DOCK4: variants seen among roughly 807,000 people sequenced by gnomAD.
DOCK4 encodes the protein dedicator of cytokinesis 4.
Under a neutral mutation model 268.1 loss-of-function variants are expected in DOCK4, and 97 were observed. The ratio of observed to expected loss-of-function variants is 0.36; its 90% CI spans 0.31 to 0.43. DOCK4 has a LOEUF of 0.43. DOCK4 is among the 20% of genes least tolerant of loss of function. The probability of loss-of-function intolerance (pLI) is 1.00; values close to 1 mark genes in which losing one functional copy is unlikely to be tolerated. For missense variants in DOCK4, 2,145 were observed against 2,455.7 expected, an observed-to-expected ratio of 0.87 and a Z score of 2.67; for synonymous variants, 954 against 887.2, an observed-to-expected ratio of 1.08 and a Z score of -1.34.
At chr7:111,843,999 G>A (rs1803894062) in intron 25 of DOCK4, among the ~76,000 whole-genome samples, 1 of 152,148 alleles carries the variant, frequency 6.6e-6, no homozygotes, top group African/African-American at 2.4e-5. Context: ...TCCAGGCTAG[G>A]CATGGTGGTT....
chr7:112,166,268 C>A (rs1344773367), intron 1 of DOCK4, among the ~76,000 whole-genome samples: 1 of 151,612 alleles, frequency 6.6e-6, no homozygotes, highest in Non-Finnish European at 1.5e-5. Flanking sequence ...CTTTTTTTAC[C>A]AAAAGAAAAA....
intron 1 of DOCK4, among the ~76,000 whole-genome samples, chr7:112,020,340 C>T (rs1461777417): frequency 2.6e-5 from 4 of 152,096 alleles, no homozygotes; most frequent in Admixed American, 6.5e-5. Context: ...ATCCTGAACC[C>T]CCCAGGTAAA....
intron 44 of DOCK4, among the ~76,000 whole-genome samples, chr7:111,743,074 C>T (rs1047367383): frequency 6.6e-6 from 1 of 151,990 alleles, no homozygotes; most frequent in Non-Finnish European, 1.5e-5. Flanking sequence ...GAGAGCAGGT[C>T]CTACTTAAAA....
intron 1 of DOCK4, among the ~76,000 whole-genome samples, chr7:112,036,351 C>T (rs1316019267): frequency 1.3e-5 from 2 of 151,936 alleles, no homozygotes; most frequent in Non-Finnish European, 2.9e-5. Flanking sequence ...AAATATAGAA[C>T]TAAGACTAAA....
intron 35 of DOCK4, among the ~76,000 whole-genome samples, chr7:111,782,299 C>G (rs989326427): frequency 6.6e-6 from 1 of 152,124 alleles, no homozygotes; most frequent in African/African-American, 2.4e-5. Flanking sequence ...CAAAAATGTC[C>G]TGCTTGGTCA....
At chr7:112,086,116 G>GA (rs2135737559) in intron 1 of DOCK4, among the ~76,000 whole-genome samples, 1 of 152,116 alleles carries the variant, frequency 6.6e-6, no homozygotes, top group South Asian at 2.1e-4. Flanking sequence ...TGTACTACAG[G>GA]AAAAAGAAAG....
intron 1 of DOCK4, among the ~76,000 whole-genome samples, chr7:112,125,082 C>A (rs545544075): frequency 6.6e-6 from 1 of 152,268 alleles, no homozygotes; most frequent in African/African-American, 2.4e-5. Flanking sequence ...AGCCTAAAAT[C>A]CCACAGCTTC....
At chr7:112,091,091 C>G (rs1471388923) in intron 1 of DOCK4, among the ~76,000 whole-genome samples, 1 of 152,094 alleles carries the variant, frequency 6.6e-6, no homozygotes, top group East Asian at 1.9e-4. Flanking sequence ...AAAGGAAGGT[C>G]TCTCATCTTT....
chr7:111,817,942 C>A lies in DOCK4; in HGVS notation c.2930+4420G>T, dbSNP rs574801833. 3.9e-4 allele frequency among the ~76,000 whole-genome samples: 60 copies of A among 152,266 alleles called. No individual in the cohort carries two copies. The South Asian group carries it at 0.012, about 31-fold the overall frequency. On this transcript the variant is annotated intron_variant, in intron 27 of 52. Coordinates refer to ENST00000428084, the MANE Select transcript of DOCK4 (RefSeq NM_001363540.2). ...ACTGAAACAACACTTGTCATGGTCACCAATATCTACCACACTGCCAAATCC... is the reference window on the plus strand; with the variant it reads ...ACTGAAACAACACTTGTCATGGTCAACAATATCTACCACACTGCCAAATCC...
chr7:112,013,647 A>G (rs766943593), intron 1 of DOCK4, among the ~76,000 whole-genome samples: 15 of 152,184 alleles, frequency 9.9e-5, no homozygotes, highest in Non-Finnish European at 1.9e-4. Context: ...AAACAACGCA[A>G]GCATCCTCCT....
In DOCK4 at chr7:111,783,968, C is replaced by G. The variant is rs370637183; in HGVS notation, c.3429-16G>C. On this transcript the variant is annotated splice_polypyrimidine_tract_variant and intron_variant, in intron 33 of 52. Coordinates refer to ENST00000428084, the MANE Select transcript of DOCK4 (RefSeq NM_001363540.2). ...CTTTAGTAGACTGGAAAAGAAAGAA[C>G]CCGGGGCATTTTCAACATTTATTTT... 6.3e-7 allele frequency: 1 copy of G among 1,586,672 alleles called. No homozygotes were observed. The highest frequency in any genetic ancestry group is 8.6e-7 in the Non-Finnish European group (1 of 1,165,470).
At chr7:111,789,693 A>G (rs1484791243) in intron 31 of DOCK4, among the ~76,000 whole-genome samples, 1 of 152,220 alleles carries the variant, frequency 6.6e-6, no homozygotes, top group Non-Finnish European at 1.5e-5. Context: ...GGAGGGTTCC[A>G]TGTCTGCAGT....
chr7:111,808,875 C>T lies in DOCK4; in HGVS notation c.3112G>A (p.Gly1038Ser). Residue 1038 changes from glycine (G) to serine (S), a missense_variant, in exon 30 of 53, where the codon GGT becomes AGT. Transcript: ENST00000428084. ...SKKKKVLEKY[G>S]DMRVTMGCEI... ...CAACCCATTGTTACCCGCATGTCAC[C>T]ATACCTGAAATAGAACAAAAAACCA... The T allele has an allele frequency of 6.2e-7, 1 of 1,612,940 alleles. No homozygotes were observed. Among genetic ancestry groups the T allele is most frequent in the African/African-American group, 1.3e-5 (1 of 75,044 alleles).
chr7:111,988,989 G>A (rs145491958), intron 6 of DOCK4, 26 bp downstream of exon 6: 3 of 1,590,142 alleles, frequency 1.9e-6, no homozygotes, highest in East Asian at 2.3e-5. Context: ...CCTACTAGAG[G>A]CCGCCCTGTG....
chr7:111,940,684 T>G (rs1384927505), intron 10 of DOCK4, among the ~76,000 whole-genome samples: 1 of 152,234 alleles, frequency 6.6e-6, no homozygotes, highest in African/African-American at 2.4e-5. Context: ...GTACAGCAAG[T>G]AAGCACAGGT....
chr7:111,938,688 A>G (rs1794937700), intron 11 of DOCK4, among the ~76,000 whole-genome samples: 1 of 152,214 alleles, frequency 6.6e-6, no homozygotes, highest in African/African-American at 2.4e-5. Flanking sequence ...AACAAAGGTA[A>G]CGTTGAAGTC....
chr7:111,805,597 T>C (rs1438448976), intron 30 of DOCK4, among the ~76,000 whole-genome samples: 2 of 152,218 alleles, frequency 1.3e-5, no homozygotes, highest in African/African-American at 4.8e-5. Flanking sequence ...AATGATCAGA[T>C]TTTAAAATCC....
chr7:111,957,186 G>A (rs1459461365), intron 8 of DOCK4, among the ~76,000 whole-genome samples: 2 of 152,082 alleles, frequency 1.3e-5, no homozygotes, highest in Non-Finnish European at 2.9e-5. Context: ...AAAAAGTTAG[G>A]AACCATTGCT....
chr7:111,732,571 C>T (rs923401636), intron 51 of DOCK4: 36 of 433,700 alleles, frequency 8.3e-5, no homozygotes, highest in Admixed American at 1.2e-4. Flanking sequence ...ATGTCCTTTC[C>T]GTTTCCCCAA....
Sources: allele counts gnomAD v4.1 joint callset (sites outside exome capture counted in the v4.1 genomes callset), GRCh38; gene constraint gnomAD v4.1.1; transcripts MANE v1.5; gene names NCBI Gene and HGNC (gene_info 2026-07-23, HGNC 2026-07-21).